The following PDE3A variants were observed in gnomAD, a reference collection of about 807,000 sequenced individuals.
PDE3A encodes cGMP-inhibited 3',5'-cyclic phosphodiesterase 3A.
PDE3A carries 43 observed loss-of-function variants against 98.3 expected under a neutral mutation model. The observed-to-expected ratio is 0.44, with a 90% confidence interval of 0.34 to 0.56. The LOEUF (loss-of-function observed/expected upper bound fraction) is 0.56. Ranked by LOEUF, PDE3A falls within the 20% of genes least tolerant of loss-of-function variation. PDE3A has a pLI of 0.01. For missense variants in PDE3A, 1,427 were observed against 1,440.7 expected, an observed-to-expected ratio of 0.99 and a Z score of 0.15; for synonymous variants, 663 against 567.9, an observed-to-expected ratio of 1.17 and a Z score of -2.38.
intron 2 of PDE3A, among the ~76,000 whole-genome samples, chr12:20,606,851 C>CAA (rs370189687): frequency 0.015 from 1,125 of 74,546 alleles, 18 homozygotes; most frequent in African/African-American, 0.045. Flanking sequence ...AGCTCCATCT[C>CAA]AAAAAAAAAA....
At chr12:20,677,496 G>T (rs1945671919) in intron 15 of PDE3A, among the ~76,000 whole-genome samples, 1 of 151,832 alleles carries the variant, frequency 6.6e-6, no homozygotes, top group Non-Finnish European at 1.5e-5. Flanking sequence ...GTCTCGCTCT[G>T]TCACCCAGGC....
intron 1 of PDE3A, among the ~76,000 whole-genome samples, chr12:20,483,804 T>C (rs1453569857): frequency 1.3e-5 from 2 of 152,222 alleles, no homozygotes; most frequent in Non-Finnish European, 2.9e-5. Context: ...TGTTCCAATC[T>C]CAACATGTTT....
At chr12:20,416,269 T>C (rs770636429) in intron 1 of PDE3A, among the ~76,000 whole-genome samples, 13 of 152,190 alleles carry the variant, frequency 8.5e-5, no homozygotes, top group South Asian at 2.1e-4. Flanking sequence ...ACCCTTGGAC[T>C]TAAAGATCTG....
intron 5 of PDE3A, among the ~76,000 whole-genome samples, chr12:20,625,087 T>C (rs898412231): frequency 6.6e-6 from 1 of 152,162 alleles, no homozygotes; most frequent in African/African-American, 2.4e-5. Flanking sequence ...ATGAAATCTG[T>C]TCTTTGCGCA....
At chr12:20,459,286 AC>A (rs1465810037) in intron 1 of PDE3A, among the ~76,000 whole-genome samples, 2 of 152,158 alleles carry the variant, frequency 1.3e-5, no homozygotes, top group East Asian at 3.8e-4. Flanking sequence ...CCGGAGGTAG[AC>A]TTTTATTGAT....
intron 1 of PDE3A, among the ~76,000 whole-genome samples, chr12:20,521,141 T>G (rs1256794758): frequency 2.6e-5 from 4 of 152,054 alleles, no homozygotes; most frequent in African/African-American, 2.4e-5. Context: ...GAGTGTTTTT[T>G]TTTTTTTTGT....
At chr12:20,541,001 T>C (rs1434562017) in intron 1 of PDE3A, among the ~76,000 whole-genome samples, 3 of 149,976 alleles carry the variant, frequency 2.0e-5, no homozygotes, top group Non-Finnish European at 4.4e-5. Flanking sequence ...TCCGTTTCAA[T>C]ATATAATCAA....
At chr12:20,585,674 T>C (rs1407645163) in intron 2 of PDE3A, among the ~76,000 whole-genome samples, 1 of 152,230 alleles carries the variant, frequency 6.6e-6, no homozygotes, top group African/African-American at 2.4e-5. Flanking sequence ...ATGTCTAGCA[T>C]GCTACTAGAC....
At chr12:20,471,622 A>G (rs1945441778) in intron 1 of PDE3A, among the ~76,000 whole-genome samples, 1 of 152,122 alleles carries the variant, frequency 6.6e-6, no homozygotes, top group African/African-American at 2.4e-5. Flanking sequence ...CTGTTGCCTC[A>G]AGTTTTCCAG....
chr12:20,512,476 G>A (rs1228347933), intron 1 of PDE3A, among the ~76,000 whole-genome samples: 1 of 152,076 alleles, frequency 6.6e-6, no homozygotes, highest in Non-Finnish European at 1.5e-5. Context: ...CACGGAAGCT[G>A]ATGGAGTAAT....
chr12:20,539,384 T>C (rs1460849245), intron 1 of PDE3A, among the ~76,000 whole-genome samples: 2 of 152,102 alleles, frequency 1.3e-5, no homozygotes, highest in Non-Finnish European at 2.9e-5. Context: ...CATATGGGCA[T>C]CCTGTGGCAA....
chr12:20,472,807 A>C (rs1234486173), intron 1 of PDE3A, among the ~76,000 whole-genome samples: 3 of 152,216 alleles, frequency 2.0e-5, no homozygotes, highest in African/African-American at 7.2e-5. Context: ...TGGAAAAGTA[A>C]ACAGCTTATT....
At chr12:20,436,840 T>C (rs1259459523) in intron 1 of PDE3A, among the ~76,000 whole-genome samples, 2 of 152,214 alleles carry the variant, frequency 1.3e-5, no homozygotes, top group Non-Finnish European at 2.9e-5. Context: ...ACCTTTTACA[T>C]GTAATTGCGA....
chr12:20,486,559 A>G (rs911684622), intron 1 of PDE3A, among the ~76,000 whole-genome samples: 2 of 152,318 alleles, frequency 1.3e-5, no homozygotes, highest in African/African-American at 2.4e-5. Context: ...ATGTTTTTAA[A>G]AAGGAAAATA....
intron 15 of PDE3A, among the ~76,000 whole-genome samples, chr12:20,658,198 G>C (rs558734302): frequency 4.6e-5 from 7 of 152,252 alleles, no homozygotes; most frequent in African/African-American, 1.7e-4. Flanking sequence ...AATTTCAATT[G>C]TATCTACTGC....
intron 9 of PDE3A, among the ~76,000 whole-genome samples, chr12:20,637,859 A>C: frequency 6.6e-6 from 1 of 152,186 alleles, no homozygotes; most frequent in Non-Finnish European, 1.5e-5. Flanking sequence ...TAAGAATTTG[A>C]AAATGTTTGT....
chr12:20,552,097 A>T lies in PDE3A; in HGVS notation c.961-4563A>T. ...TGGTGGTCGAGAGCTTTCCGGCAACAAGAGGACCGCGGAACAGTCTTGTGA... is the reference window on the plus strand; with the variant it reads ...TGGTGGTCGAGAGCTTTCCGGCAACTAGAGGACCGCGGAACAGTCTTGTGA... On this transcript the variant is annotated intron_variant, in intron 1 of 15. Coordinates refer to ENST00000359062, the MANE Select transcript of PDE3A (RefSeq NM_000921.5). The surrounding 1 kb of genome is among the most constrained non-coding windows in gnomAD (Gnocchi z 5.1). The T allele has an allele frequency of 6.2e-7, 1 of 1,612,976 alleles. No individual in the cohort carries two copies. The highest frequency in any genetic ancestry group is 8.5e-7 in the Non-Finnish European group (1 of 1,179,882).
intron 1 of PDE3A, among the ~76,000 whole-genome samples, chr12:20,422,629 C>T (rs1368116613): frequency 6.6e-6 from 1 of 152,134 alleles, no homozygotes; most frequent in Admixed American, 6.5e-5. Context: ...CATATTTCCA[C>T]CAAAGTCACA....
intron 1 of PDE3A, among the ~76,000 whole-genome samples, chr12:20,402,832 T>C (rs988339532): frequency 1.1e-4 from 17 of 152,200 alleles, no homozygotes; most frequent in African/African-American, 4.1e-4. Flanking sequence ...CACAGGATTA[T>C]GTTGCTATAA....
Sources: allele counts gnomAD v4.1 joint callset (sites outside exome capture counted in the v4.1 genomes callset), GRCh38; gene constraint gnomAD v4.1.1; non-coding constraint Gnocchi (gnomAD v3.1); transcripts MANE v1.5; gene names NCBI Gene and HGNC (gene_info 2026-07-23, HGNC 2026-07-21).